EPHA6: variants seen among roughly 807,000 people sequenced by gnomAD.
The protein encoded by EPHA6 is EPH receptor A6.
In EPHA6, 50 loss-of-function variants were observed where a neutral mutation model predicts 112.0. The ratio of observed to expected loss-of-function variants is 0.45; its 90% CI spans 0.36 to 0.56. The LOEUF (loss-of-function observed/expected upper bound fraction) is 0.56, where lower values mean the gene tolerates loss of function less well. Ranked by LOEUF, EPHA6 falls within the 20% of genes least tolerant of loss-of-function variation. The probability of loss-of-function intolerance (pLI) is 0.00; values close to 1 mark genes in which losing one functional copy is unlikely to be tolerated. For missense variants in EPHA6, 1,280 were observed against 1,417.4 expected (o/e 0.90, Z 1.56); for synonymous variants, 529 against 490.7 (o/e 1.08, Z -1.03).
chr3:97,654,482 G>T (rs928875669), intron 14 of EPHA6, among the ~76,000 whole-genome samples: 1 of 151,838 alleles, frequency 6.6e-6, no homozygotes, highest in Non-Finnish European at 1.5e-5. Flanking sequence ...ATTTTTAAAA[G>T]ATAATCTCAG....
intron 13 of EPHA6, among the ~76,000 whole-genome samples, chr3:97,624,415 G>A (rs1029615750): frequency 6.6e-6 from 1 of 151,570 alleles, no homozygotes; most frequent in Non-Finnish European, 1.5e-5. Flanking sequence ...TGGCCATGAT[G>A]TATAATACTT....
chr3:97,334,356 T>C (rs2082950408), intron 5 of EPHA6, among the ~76,000 whole-genome samples: 1 of 152,098 alleles, frequency 6.6e-6, no homozygotes. Context: ...TCTGGAATAG[T>C]TTGAATAAAC....
intron 14 of EPHA6, among the ~76,000 whole-genome samples, chr3:97,661,267 G>A (rs917356232): frequency 1.3e-5 from 2 of 151,966 alleles, no homozygotes; most frequent in African/African-American, 4.8e-5. Flanking sequence ...TTGTAGCTAA[G>A]ATTGTACTCC....
At chr3:97,250,773 C>T (rs1004542632) in intron 5 of EPHA6, among the ~76,000 whole-genome samples, 11 of 152,062 alleles carry the variant, frequency 7.2e-5, no homozygotes, top group African/African-American at 2.7e-4. Flanking sequence ...CTGAACTCTG[C>T]CTACAAAATG....
chr3:97,067,715 A>G (rs1238789142), intron 3 of EPHA6, among the ~76,000 whole-genome samples: 1 of 152,052 alleles, frequency 6.6e-6, no homozygotes, highest in Non-Finnish European at 1.5e-5. Context: ...GAACAAGAAT[A>G]AGACACTGAC....
At chr3:97,126,062 CAA>C (rs1014086834) in intron 3 of EPHA6, among the ~76,000 whole-genome samples, 4 of 152,214 alleles carry the variant, frequency 2.6e-5, no homozygotes, top group African/African-American at 9.6e-5. Context: ...GATTACAAGA[CAA>C]AAGCCTATCT....
intron 5 of EPHA6, among the ~76,000 whole-genome samples, chr3:97,266,536 C>A (rs2079691394): frequency 6.6e-6 from 1 of 152,026 alleles, no homozygotes; most frequent in East Asian, 1.9e-4. Context: ...ACCACTAGCC[C>A]AGACAACTGG....
At chr3:97,175,590 A>AT (rs2076814668) in intron 3 of EPHA6, among the ~76,000 whole-genome samples, 2 of 151,668 alleles carry the variant, frequency 1.3e-5, no homozygotes, top group South Asian at 4.1e-4. Flanking sequence ...TATAGTTTTC[A>AT]TTATAGATCT....
At chr3:97,312,079 C>T (rs2081589612) in intron 5 of EPHA6, among the ~76,000 whole-genome samples, 1 of 151,308 alleles carries the variant, frequency 6.6e-6, no homozygotes, top group Admixed American at 6.6e-5. Flanking sequence ...ATTTCATTTC[C>T]AATTCTTTGT....
At chr3:97,011,356 C>G (rs1301746433) in intron 3 of EPHA6, among the ~76,000 whole-genome samples, 1 of 152,178 alleles carries the variant, frequency 6.6e-6, no homozygotes, top group Admixed American at 6.5e-5. Flanking sequence ...ACAACTGTTT[C>G]ATCTTGAAAG....
chr3:97,719,096 C>T (rs2034391381), intron 14 of EPHA6, among the ~76,000 whole-genome samples: 2 of 123,570 alleles, frequency 1.6e-5, no homozygotes, highest in African/African-American at 2.9e-5. Context: ...CCACCCCCCC[C>T]CCCACCCCCC....
intron 2 of EPHA6, among the ~76,000 whole-genome samples, chr3:96,974,372 T>C (rs2042438209): frequency 6.6e-6 from 1 of 150,488 alleles, no homozygotes; most frequent in Non-Finnish European, 1.5e-5. Flanking sequence ...ATTATATATG[T>C]CATTATAAAT....
chr3:97,571,032 A>G (rs565101666), intron 11 of EPHA6, among the ~76,000 whole-genome samples: 3 of 152,298 alleles, frequency 2.0e-5, no homozygotes, highest in Admixed American at 6.5e-5. Flanking sequence ...TCACATTAAG[A>G]GTCAGGAAAA....
rs374098707 is a variant in EPHA6 at position 97,371,690 on chromosome 3, G to A, written c.1607-33460G>A. On this transcript the variant is annotated intron_variant, in intron 5 of 17. Coordinates refer to ENST00000389672, the MANE Select transcript of EPHA6 (RefSeq NM_001080448.3). ...ATAACCTTAAAGTCTGGCTGCCTGT[G>A]GGCCAGGCGGAACAGAGCCATATTT... Among the ~76,000 whole-genome samples, 3 of 152,260 alleles carry A rather than the reference G, an allele frequency of 2.0e-5. No homozygotes were observed. In the East Asian group the frequency reaches 5.8e-4, roughly 29 times the overall value.
intron 2 of EPHA6, among the ~76,000 whole-genome samples, chr3:96,939,533 T>G (rs965605950): frequency 6.6e-6 from 1 of 152,200 alleles, no homozygotes; most frequent in Non-Finnish European, 1.5e-5. Context: ...CTATCAATTT[T>G]GTTGATCTTT....
At chr3:96,969,068 G>T (rs1168818671) in intron 2 of EPHA6, among the ~76,000 whole-genome samples, 1 of 151,720 alleles carries the variant, frequency 6.6e-6, no homozygotes, top group Non-Finnish European at 1.5e-5. Context: ...TCTCAACCTG[G>T]TTCAGCAGTT....
intron 14 of EPHA6, among the ~76,000 whole-genome samples, chr3:97,640,008 GA>G: frequency 6.6e-6 from 1 of 151,812 alleles, no homozygotes. Flanking sequence ...ACTTTATAAT[GA>G]ACATGGACAT....
chr3:96,888,265 C>T (rs763466564), intron 2 of EPHA6, among the ~76,000 whole-genome samples: 4 of 152,164 alleles, frequency 2.6e-5, no homozygotes, highest in Non-Finnish European at 5.9e-5. Context: ...CTTTCTACTG[C>T]TTCCCCTACC....
chr3:97,424,879 C>T (rs1227468965), intron 6 of EPHA6, among the ~76,000 whole-genome samples: 1 of 150,890 alleles, frequency 6.6e-6, no homozygotes, highest in Non-Finnish European at 1.5e-5. Flanking sequence ...GGTAAATACA[C>T]CTGTTCCACA....
Sources: gnomAD v4.1 joint callset for allele counts (sites outside exome capture counted in the v4.1 genomes callset) on GRCh38, gnomAD v4.1.1 for gene constraint, MANE v1.5 for transcripts, NCBI Gene and HGNC (gene_info 2026-07-23, HGNC 2026-07-21) for gene names.